The following PRKCQ variants were observed in gnomAD, a reference collection of about 807,000 sequenced individuals.
PRKCQ encodes protein kinase C theta, also known as protein kinase C theta type.
In PRKCQ, 41 loss-of-function variants were observed where a neutral mutation model predicts 91.2. That is an observed-to-expected ratio of 0.45 (90% CI 0.35 to 0.58). The LOEUF (loss-of-function observed/expected upper bound fraction) is 0.58, where lower values mean the gene tolerates loss of function less well. Ranked by LOEUF, PRKCQ falls within the 20% of genes least tolerant of loss-of-function variation. The pLI is 0.00. For missense variants in PRKCQ, 673 were observed against 896.5 expected, an observed-to-expected ratio of 0.75 and a Z score of 3.18; for synonymous variants, 307 against 316.9, an observed-to-expected ratio of 0.97 and a Z score of 0.33.
chr10:6,482,718 A>T (rs1375986490), intron 11 of PRKCQ, among the ~76,000 whole-genome samples: 1 of 152,126 alleles, frequency 6.6e-6, no homozygotes, highest in Non-Finnish European at 1.5e-5. Flanking sequence ...GGTTTAATGG[A>T]CTCGGTTCCA....
At chr10:6,562,060 G>A (rs1840653410) in intron 1 of PRKCQ, among the ~76,000 whole-genome samples, 1 of 152,128 alleles carries the variant, frequency 6.6e-6, no homozygotes, top group Non-Finnish European at 1.5e-5. Flanking sequence ...ATGCTGGTAG[G>A]AAGGAAATAC....
In PRKCQ at chr10:6,510,989, C is replaced by A. The variant is rs45478698; in HGVS notation, c.318+6G>T. On this transcript the variant is annotated splice_donor_region_variant and intron_variant, in intron 3 of 17. Coordinates refer to ENST00000263125, the MANE Select transcript of PRKCQ (RefSeq NM_006257.5). The stretch of plus-strand genomic sequence containing the variant: ...CCTTATGTGCATACACTTTATGCAA[C>A]GTTACCCATATTTCTGTCTTCCCGT... The A allele has an allele frequency of 6.2e-7, 1 of 1,614,028 alleles. No individual in the cohort carries two copies. Among genetic ancestry groups the A allele is most frequent in the South Asian group, 1.1e-5 (1 of 91,084 alleles).
rs910606819 is a variant in PRKCQ at position 6,428,059 on chromosome 10, T to C, written c.*148A>G. ...AAGTAGACTTGGTTTCTGCTACAGA[T>C]AAAAGTCACATGGGGGCGAACGGGT... On this transcript the variant is annotated 3_prime_UTR_variant, in exon 18 of 18. Coordinates refer to ENST00000263125, the MANE Select transcript of PRKCQ (RefSeq NM_006257.5). 3.1e-6 allele frequency: 3 copies of C among 969,208 alleles called. No homozygotes were observed. The highest frequency in any genetic ancestry group is 4.6e-6 in the Non-Finnish European group (3 of 656,640). The allele number at this position is 969,208 out of a possible 1,614,324, so 60.0% of individuals were successfully genotyped here.
chr10:6,523,026 T>C (rs1209760610), intron 1 of PRKCQ, among the ~76,000 whole-genome samples: 1 of 149,826 alleles, frequency 6.7e-6, no homozygotes, highest in Non-Finnish European at 1.5e-5. Context: ...AGAAAGATGA[T>C]AACTAGTAAA....
Position 6,431,001 on chromosome 10 carries a change from C to T in PRKCQ, c.1837-63G>A, listed in dbSNP as rs531716254. On this transcript the variant is annotated intron_variant, in intron 16 of 17. Coordinates refer to ENST00000263125, the MANE Select transcript of PRKCQ (RefSeq NM_006257.5). ...GGATGACCCTTTTGCATCAGGAGGT[C>T]GTGGTGCTTCCTGGTGCACCAGCCC... 6.3e-4 allele frequency: 978 copies of T among 1,554,618 alleles called. 13 individuals are homozygous for T. The Admixed American group carries it at 0.017, about 27-fold the overall frequency.
At chr10:6,516,000 C>A (rs1838737355) in intron 1 of PRKCQ, among the ~76,000 whole-genome samples, 1 of 152,200 alleles carries the variant, frequency 6.6e-6, no homozygotes, top group Admixed American at 6.5e-5. Context: ...CTGAAACTAT[C>A]ATCTGATATT....
chr10:6,489,935 C>T (rs1261864177), intron 8 of PRKCQ, among the ~76,000 whole-genome samples: 1 of 152,032 alleles, frequency 6.6e-6, no homozygotes, highest in Admixed American at 6.5e-5. Context: ...AGTGGATTCT[C>T]GGGCTCCCAG....
chr10:6,419,506 G>T, the PRKCQ span, among the ~76,000 whole-genome samples: 1 of 152,062 alleles, frequency 6.6e-6, no homozygotes, highest in African/African-American at 2.4e-5. Flanking sequence ...GTAACTCTCA[G>T]TTTGATTAAT....
chr10:6,570,144 AG>A (rs1458693340), intron 1 of PRKCQ, among the ~76,000 whole-genome samples: 1 of 152,292 alleles, frequency 6.6e-6, no homozygotes, highest in African/African-American at 2.4e-5. Flanking sequence ...ATCTGGTTGC[AG>A]GAAGTCAGGT....
At chr10:6,472,602 A>C (rs1247806218) in intron 12 of PRKCQ, among the ~76,000 whole-genome samples, 2 of 152,254 alleles carry the variant, frequency 1.3e-5, no homozygotes, top group Admixed American at 1.3e-4. Flanking sequence ...ATATGGTTAC[A>C]ACTTCTGTTT....
chr10:6,456,494 G>A lies in PRKCQ; in HGVS notation c.1647+180C>T, dbSNP rs191871504. On this transcript the variant is annotated intron_variant, in intron 15 of 17. Transcript: ENST00000263125. ...GAGAGATGTGATTTGTAAAAGTAGC[G>A]CTCCCCACAAAATAATAATAGAAAC... Among the ~76,000 whole-genome samples, 13 of 152,250 alleles carry A rather than the reference G, an allele frequency of 8.5e-5. 1 individual carries two copies. The highest frequency in any genetic ancestry group is 3.4e-3 in the Middle Eastern group (1 of 294).
the PRKCQ span, among the ~76,000 whole-genome samples, chr10:6,394,587 G>A: frequency 6.6e-6 from 1 of 152,228 alleles, no homozygotes; most frequent in Non-Finnish European, 1.5e-5. Flanking sequence ...CGTGCCAGGG[G>A]CACCGGCTTT....
intron 1 of PRKCQ, among the ~76,000 whole-genome samples, chr10:6,552,371 G>A (rs1220264331): frequency 6.6e-6 from 1 of 151,832 alleles, no homozygotes; most frequent in Non-Finnish European, 1.5e-5. Flanking sequence ...CAACTCCAGT[G>A]ATCGTGCCTC....
At chr10:6,474,007 G>A (rs1042513237) in intron 12 of PRKCQ, among the ~76,000 whole-genome samples, 1 of 152,152 alleles carries the variant, frequency 6.6e-6, no homozygotes, top group Non-Finnish European at 1.5e-5. Flanking sequence ...GAGAACCAGT[G>A]TCACAAAGAA....
At chr10:6,447,179 C>A (rs34437065) in intron 15 of PRKCQ, among the ~76,000 whole-genome samples, 1 of 151,980 alleles carries the variant, frequency 6.6e-6, no homozygotes, top group African/African-American at 2.4e-5. Flanking sequence ...GAGGCCAAGG[C>A]GGGCGGATCA....
At chr10:6,554,422 T>C (rs898953786) in intron 1 of PRKCQ, among the ~76,000 whole-genome samples, 3 of 152,210 alleles carry the variant, frequency 2.0e-5, no homozygotes, top group Admixed American at 2.0e-4. Flanking sequence ...TCTATTACTT[T>C]GATTTGGCAA....
At position 6,428,228 on chromosome 10, in the gene PRKCQ, C is replaced by A; in HGVS notation, c.2100G>T (p.Gly700=). ...AGATTCAGGATATCAGCCGCTCCAT[C>A]CCGGGGTTCATGAAGGAAAAGTTCC... ...MFRNFSFMNP[G]MERLIS is the part of the protein sequence containing the mutation. The change falls in exon 18 of 18, where the codon GGG becomes GGT. Residue 700 remains glycine (G), a synonymous_variant. Transcript: ENST00000263125. 1 of 1,614,194 alleles carries A rather than the reference C, an allele frequency of 6.2e-7. No homozygotes were observed.
At chr10:6,554,009 G>A (rs1021025399) in intron 1 of PRKCQ, among the ~76,000 whole-genome samples, 2 of 151,530 alleles carry the variant, frequency 1.3e-5, no homozygotes, top group African/African-American at 2.4e-5. Flanking sequence ...ATCAAGTCTC[G>A]GAGCACTCAT....
intron 16 of PRKCQ, among the ~76,000 whole-genome samples, chr10:6,433,228 C>T (rs375567891): frequency 2.9e-4 from 44 of 152,348 alleles, no homozygotes; most frequent in African/African-American, 1.0e-3. Context: ...GGATCTAGCA[C>T]TTTGATGACA....
Sources: gnomAD v4.1 joint callset for allele counts (sites outside exome capture counted in the v4.1 genomes callset) on GRCh38, gnomAD v4.1.1 for gene constraint, MANE v1.5 for transcripts, NCBI Gene and HGNC (gene_info 2026-07-23, HGNC 2026-07-21) for gene names.